ADRA1B: variants seen among roughly 807,000 people sequenced by gnomAD.
ADRA1B encodes adrenoceptor alpha 1B.
ADRA1B carries 17 observed loss-of-function variants against 17.9 expected under a neutral mutation model. The ratio of observed to expected loss-of-function variants is 0.95; its 90% CI spans 0.65 to 1.42. The LOEUF is 1.42. ADRA1B is among the 40% of genes most tolerant of loss of function. The probability of loss-of-function intolerance (pLI) is 0.00; values close to 1 mark genes in which losing one functional copy is unlikely to be tolerated. For synonymous variants in ADRA1B, 366 were observed against 327.6 expected, an observed-to-expected ratio of 1.12 and a Z score of -1.27; for missense variants, 681 against 722.1, an observed-to-expected ratio of 0.94 and a Z score of 0.65.
chr5:159,900,153 T>C (rs1257662105), intron 1 of ADRA1B, among the ~76,000 whole-genome samples: 2 of 152,246 alleles, frequency 1.3e-5, no homozygotes, highest in Non-Finnish European at 2.9e-5. Flanking sequence ...TCAAGCCTTT[T>C]AATCTGGTAG....
At chr5:159,946,215 A>G (rs1755268999) in intron 1 of ADRA1B, among the ~76,000 whole-genome samples, 1 of 152,232 alleles carries the variant, frequency 6.6e-6, no homozygotes, top group Admixed American at 6.5e-5. Flanking sequence ...CCATCCAGGA[A>G]AAAGCCTGAT....
chr5:159,883,252 C>T (rs946651963), intron 1 of ADRA1B, among the ~76,000 whole-genome samples: 1 of 152,180 alleles, frequency 6.6e-6, no homozygotes. Context: ...AAGAGTTTCC[C>T]TGTGTTCTCA....
In ADRA1B at chr5:159,960,811, A is replaced by G. The variant is rs10075797; in HGVS notation, c.950-11068A>G. On this transcript the variant is annotated intron_variant, in intron 1 of 1. Transcript: ENST00000306675. ...CTTATCCATGAACCTCATTTTGCAT[A>G]GCCAGAGGCTAATGCATTTTGGTTT... 7.3e-3 allele frequency among the ~76,000 whole-genome samples: 1,111 copies of G among 151,910 alleles called. 12 individuals carry two copies. The highest frequency in any genetic ancestry group is 0.026 in the African/African-American group (1,064 of 41,434).
At chr5:159,879,309 TGAAC>T in intron 1 of ADRA1B, among the ~76,000 whole-genome samples, 1 of 152,218 alleles carries the variant, frequency 6.6e-6, no homozygotes, top group South Asian at 2.1e-4. Flanking sequence ...GCTCCTCCCA[TGAAC>T]CACAGCTCTG....
downstream of ADRA1B, among the ~76,000 whole-genome samples, chr5:159,973,976 C>G (rs1451294751): frequency 1.3e-5 from 2 of 152,184 alleles, no homozygotes; most frequent in African/African-American, 4.8e-5. Flanking sequence ...TTCTACTTTG[C>G]TTTTCTAAGT....
chr5:159,915,048 A>G (rs766835363), upstream of ADRA1B, among the ~76,000 whole-genome samples: 11 of 152,228 alleles, frequency 7.2e-5, no homozygotes, highest in Non-Finnish European at 7.3e-5. Context: ...GAGTAAATGC[A>G]TGGCTATCAG....
At chr5:159,920,492 G>T (rs1452411990) in intron 1 of ADRA1B, among the ~76,000 whole-genome samples, 6 of 152,060 alleles carry the variant, frequency 3.9e-5, no homozygotes, top group Admixed American at 3.9e-4. Context: ...ATGCTATCTT[G>T]TTTCTCTTCT....
chr5:159,936,732 T>G (rs1488876887), intron 1 of ADRA1B, among the ~76,000 whole-genome samples: 2 of 151,704 alleles, frequency 1.3e-5, no homozygotes, highest in Non-Finnish European at 2.9e-5. Context: ...GGCATCAAAA[T>G]TAAGAGAATA....
upstream of ADRA1B, among the ~76,000 whole-genome samples, chr5:159,914,695 A>C (rs1490952917): frequency 6.6e-6 from 1 of 152,130 alleles, no homozygotes; most frequent in Admixed American, 6.6e-5. Flanking sequence ...CTCCCTTCTC[A>C]AAAAATAAAA....
intron 1 of ADRA1B, among the ~76,000 whole-genome samples, chr5:159,941,422 AT>A (rs1346832864): frequency 6.6e-6 from 1 of 152,220 alleles, no homozygotes; most frequent in Admixed American, 6.5e-5. Flanking sequence ...AAAAACTCAC[AT>A]TTATGGCAAT....
At chr5:159,899,324 A>AAGAAAGGAAGG (rs1156262558) in intron 1 of ADRA1B, among the ~76,000 whole-genome samples, 2 of 151,596 alleles carry the variant, frequency 1.3e-5, no homozygotes, top group African/African-American at 2.4e-5. Flanking sequence ...GGAAAGAAGG[A>AAGAAAGGAAGG]AAGGCAACTA....
rs764718960 is a variant in ADRA1B at position 159,972,034 on chromosome 5, GGCCGCGGCCGCCGCCGAC to G, written c.1111_1128del (p.Gly371_Arg376del). ...GCGCATCCTCGGGTGCCAGTGCCGC[GGCCGCGGCCGCCGCCGAC>G]GCCGCCGCCGCCGTCGCCTGGGCGG... is the stretch of plus-strand genomic sequence containing the variant. On this transcript the variant is annotated inframe_deletion, in exon 2 of 2. Coordinates refer to ENST00000306675, the MANE Select transcript of ADRA1B (RefSeq NM_000679.4). The G allele has an allele frequency of 7.3e-5, 102 of 1,398,892 alleles. 1 individual carries two copies. The highest frequency in any genetic ancestry group is 8.7e-5 in the Non-Finnish European group (94 of 1,076,054). The allele number at this position is 1,398,892 out of a possible 1,614,324, so 86.7% of individuals were successfully genotyped here. A position where few individuals can be genotyped will look rare whatever the true frequency, so the allele number is the denominator to read the frequency against.
chr5:159,970,169 T>C (rs1755843423), intron 1 of ADRA1B, among the ~76,000 whole-genome samples: 1 of 152,230 alleles, frequency 6.6e-6, no homozygotes, highest in Non-Finnish European at 1.5e-5. Context: ...CATGAGTCTA[T>C]GCCAGGCCTC....
upstream of ADRA1B, among the ~76,000 whole-genome samples, chr5:159,912,113 A>G (rs1036353604): frequency 2.0e-5 from 3 of 152,206 alleles, no homozygotes; most frequent in African/African-American, 4.8e-5. Flanking sequence ...CTCCTAACAG[A>G]TAGTATTACT....
intron 1 of ADRA1B, among the ~76,000 whole-genome samples, chr5:159,962,935 CTTTTT>C (rs1206944978): frequency 9.6e-5 from 4 of 41,786 alleles, no homozygotes; most frequent in South Asian, 9.2e-4. Context: ...CTTTTCTTTT[CTTTTT>C]TTTTTTTTTT....
intron 1 of ADRA1B, among the ~76,000 whole-genome samples, chr5:159,922,660 C>A (rs1754520030): frequency 1.3e-5 from 2 of 152,078 alleles, no homozygotes; most frequent in Non-Finnish European, 1.5e-5. Context: ...CAGGATTGGG[C>A]ATTTTGTCAG....
At chr5:159,928,130 G>A (rs1321163363) in intron 1 of ADRA1B, among the ~76,000 whole-genome samples, 3 of 152,168 alleles carry the variant, frequency 2.0e-5, no homozygotes, top group African/African-American at 7.2e-5. Context: ...CTGAATGATG[G>A]GTGTCTTCAG....
chr5:159,917,087 T>A lies in ADRA1B; in HGVS notation c.182T>A (p.Val61Glu). 6.2e-7 allele frequency: 1 copy of A among 1,614,166 alleles called. No individual in the cohort carries two copies. The highest frequency in any genetic ancestry group is 8.5e-7 in the Non-Finnish European group (1 of 1,180,022). ...VLGAFILFAI[V>E]GNILVILSVA... is the part of the protein sequence containing the mutation. Reference sequence around the variant, plus strand: ...GGCGCCTTCATCCTCTTTGCCATCGTGGGCAACATCCTAGTCATCTTGTCT... The same window carrying A: ...GGCGCCTTCATCCTCTTTGCCATCGAGGGCAACATCCTAGTCATCTTGTCT... The change falls in exon 1 of 2, where the codon GTG (valine) becomes GAG (glutamate). Residue 61 changes from valine (V) to glutamate (E), a missense_variant. Coordinates refer to ENST00000306675, the MANE Select transcript of ADRA1B (RefSeq NM_000679.4).
At chr5:159,954,575 G>A (rs971374452) in intron 1 of ADRA1B, among the ~76,000 whole-genome samples, 6 of 152,112 alleles carry the variant, frequency 3.9e-5, no homozygotes, top group African/African-American at 1.4e-4. Flanking sequence ...CCTCTGTGTG[G>A]TGCAAATAGA....
Sources: allele counts gnomAD v4.1 joint callset (sites outside exome capture counted in the v4.1 genomes callset), GRCh38; gene constraint gnomAD v4.1.1; transcripts MANE v1.5; gene names NCBI Gene and HGNC (gene_info 2026-07-23, HGNC 2026-07-21).